RFX3: variants seen among roughly 807,000 people sequenced by gnomAD.
RFX3 encodes the protein transcription factor RFX3.
Under a neutral mutation model 98.6 loss-of-function variants are expected in RFX3, and 14 were observed. The ratio of observed to expected loss-of-function variants is 0.14; its 90% CI spans 0.09 to 0.22. The LOEUF (loss-of-function observed/expected upper bound fraction) is 0.22, where lower values mean the gene tolerates loss of function less well. Ranked by LOEUF, RFX3 falls within the 10% of genes least tolerant of loss-of-function variation. RFX3 has a pLI of 1.00. For missense variants in RFX3, 639 were observed against 926.9 expected (o/e 0.69, Z 4.03); for synonymous variants, 383 against 328.4 (o/e 1.17, Z -1.80).
At chr9:3,361,874 G>A (rs573170458) in intron 2 of RFX3, among the ~76,000 whole-genome samples, 3 of 152,142 alleles carry the variant, frequency 2.0e-5, no homozygotes, top group South Asian at 2.1e-4. Flanking sequence ...TTTAGCCCGG[G>A]AGGTTGAGAC....
intron 4 of RFX3, among the ~76,000 whole-genome samples, chr9:3,320,020 G>C (rs1831077199): frequency 6.6e-6 from 1 of 152,098 alleles, no homozygotes; most frequent in South Asian, 2.1e-4. Flanking sequence ...GACTTTATCT[G>C]AAACCTAGGA....
At chr9:3,284,995 A>T (rs1189009333) in intron 7 of RFX3, among the ~76,000 whole-genome samples, 1 of 151,776 alleles carries the variant, frequency 6.6e-6, no homozygotes, top group African/African-American at 2.4e-5. Context: ...CCTTGTATAA[A>T]GGAGCTCAAG....
chr9:3,335,847 T>C (rs564778307), intron 3 of RFX3, among the ~76,000 whole-genome samples: 3 of 152,190 alleles, frequency 2.0e-5, no homozygotes, highest in Non-Finnish European at 2.9e-5. Flanking sequence ...TTTAGTGCCA[T>C]TTGTTTCCCA....
chr9:3,225,311 T>C, intron 16 of RFX3, 31 bp from the exon 17 acceptor site: 1 of 1,606,548 alleles, frequency 6.2e-7, no homozygotes, highest in Non-Finnish European at 8.5e-7. Flanking sequence ...AAGACTATCA[T>C]CGAAGACAAA....
chr9:3,305,903 A>C (rs1277884909), intron 4 of RFX3, among the ~76,000 whole-genome samples: 1 of 152,096 alleles, frequency 6.6e-6, no homozygotes, highest in East Asian at 1.9e-4. Flanking sequence ...TCTCAAGAAA[A>C]AAATGGCACA....
chr9:3,442,175 G>A lies in RFX3; in HGVS notation c.-8-46579C>T, dbSNP rs572043784. Among the ~76,000 whole-genome samples the A allele has an allele frequency of 4.0e-3, 602 of 152,100 alleles. 1 individual carries two copies. The highest frequency in any genetic ancestry group is 0.013 in the African/African-American group (536 of 41,462). On this transcript the variant is annotated intron_variant, in intron 1 of 16. Transcript: ENST00000617270. ...AGATCACACCATTGCACTCCAGCCT[G>A]GGCAACAAGAGCAAGACTCAATCTC...
At chr9:3,480,981 T>C (rs1359172118) in intron 1 of RFX3, among the ~76,000 whole-genome samples, 1 of 152,178 alleles carries the variant, frequency 6.6e-6, no homozygotes, top group Non-Finnish European at 1.5e-5. Context: ...ATATGCTAAA[T>C]GACTACCACA....
At chr9:3,233,878 T>C (rs1022844498) in intron 15 of RFX3, among the ~76,000 whole-genome samples, 5 of 152,220 alleles carry the variant, frequency 3.3e-5, no homozygotes, top group Non-Finnish European at 7.3e-5. Flanking sequence ...AATATTGTTA[T>C]TATGTATAAA....
At chr9:3,504,159 T>G (rs1816380531) in intron 1 of RFX3, among the ~76,000 whole-genome samples, 1 of 90,214 alleles carries the variant, frequency 1.1e-5, no homozygotes, top group South Asian at 3.1e-4. Flanking sequence ...ACATATTATA[T>G]ATTATATATA....
intron 1 of RFX3, among the ~76,000 whole-genome samples, chr9:3,419,239 A>G (rs920574225): frequency 6.6e-6 from 1 of 152,186 alleles, no homozygotes; most frequent in Non-Finnish European, 1.5e-5. Context: ...CAAAAGCACA[A>G]AAATAGATGC....
chr9:3,403,563 T>C (rs189889523), intron 1 of RFX3, among the ~76,000 whole-genome samples: 17 of 152,326 alleles, frequency 1.1e-4, no homozygotes, highest in African/African-American at 4.1e-4. Flanking sequence ...GTAACTTTTT[T>C]CACTTTTCAA....
At position 3,345,003 on chromosome 9, in the gene RFX3, T is replaced by A. The variant is rs1018847712; in HGVS notation, c.215+1664A>T. On this transcript the variant is annotated intron_variant, in intron 3 of 16. Transcript: ENST00000617270. ...ATTATGTGCCAATCACCTAAGCAAA[T>A]GTAAATAAAACAAAATGCCAAGTTC... 1.6e-5 allele frequency: 9 copies of A among 576,688 alleles called. No homozygotes were observed. In the African/African-American group the frequency reaches 1.6e-4, roughly 10 times the overall value. The allele number at this position is 576,688 out of a possible 1,614,324, so 35.7% of individuals were successfully genotyped here.
At chr9:3,236,439 G>A (rs528660100) in intron 15 of RFX3, among the ~76,000 whole-genome samples, 3 of 152,174 alleles carry the variant, frequency 2.0e-5, no homozygotes, top group African/African-American at 7.2e-5. Context: ...AAAAGAATAT[G>A]TTAAAGTACA....
At chr9:3,316,322 A>G (rs1171328169) in intron 4 of RFX3, among the ~76,000 whole-genome samples, 4 of 152,210 alleles carry the variant, frequency 2.6e-5, no homozygotes, top group Non-Finnish European at 5.9e-5. Flanking sequence ...ACAAAATTCA[A>G]TGGCCCTTCA....
chr9:3,327,024 G>A (rs2130832376), intron 4 of RFX3, among the ~76,000 whole-genome samples: 1 of 152,216 alleles, frequency 6.6e-6, no homozygotes, highest in East Asian at 1.9e-4. Context: ...AGAACAGTGA[G>A]AAAAACTGAA....
At chr9:3,333,500 A>T (rs1391199493) in intron 3 of RFX3, among the ~76,000 whole-genome samples, 1 of 149,928 alleles carries the variant, frequency 6.7e-6, no homozygotes, top group Non-Finnish European at 1.5e-5. Context: ...TCTTCTCATC[A>T]CTGCTATATT....
At chr9:3,262,910 C>A (rs1439048023) in intron 13 of RFX3, 25 bp downstream of exon 13, 1 of 1,608,652 alleles carries the variant, frequency 6.2e-7, no homozygotes, top group East Asian at 2.2e-5. Context: ...CCTTAAGAGA[C>A]ATGCTTTGCA....
chr9:3,266,035 G>A (rs908885803), intron 12 of RFX3, among the ~76,000 whole-genome samples, 173 bp downstream of exon 12: 10 of 152,054 alleles, frequency 6.6e-5, no homozygotes, highest in Admixed American at 5.2e-4. Flanking sequence ...CATCTCTTGT[G>A]CAAGTTCTTT....
intron 14 of RFX3, among the ~76,000 whole-genome samples, chr9:3,254,999 CACT>C (rs1275209473): frequency 6.6e-6 from 1 of 152,096 alleles, no homozygotes; most frequent in Non-Finnish European, 1.5e-5. Context: ...GGAATTGTAC[CACT>C]GCAAAAACAA....
Sources: gnomAD v4.1 joint callset for allele counts (sites outside exome capture counted in the v4.1 genomes callset) on GRCh38, gnomAD v4.1.1 for gene constraint, MANE v1.5 for transcripts, NCBI Gene and HGNC (gene_info 2026-07-23, HGNC 2026-07-21) for gene names.